CIST1: variants seen among roughly 807,000 people sequenced by gnomAD.
The protein encoded by CIST1 is colon, intestine and stomach enriched 1.
the CIST1 span, among the ~76,000 whole-genome samples, chr19:18,254,768 G>A: frequency 6.6e-6 from 1 of 152,170 alleles, no homozygotes; most frequent in Non-Finnish European, 1.5e-5. Flanking sequence ...CCTAGGCACT[G>A]TCTTATAGGA....
the CIST1 span, among the ~76,000 whole-genome samples, chr19:18,251,341 G>C: frequency 6.6e-6 from 1 of 151,210 alleles, no homozygotes; most frequent in Non-Finnish European, 1.5e-5. Context: ...GGCCAGGCTG[G>C]TCTTGAACTC....
At chr19:18,254,799 A>G in the CIST1 span, among the ~76,000 whole-genome samples, 1 of 152,212 alleles carries the variant, frequency 6.6e-6, no homozygotes, top group South Asian at 2.1e-4. Flanking sequence ...GAATTAAGTC[A>G]GACACCCAGA....
the CIST1 span, among the ~76,000 whole-genome samples, chr19:18,253,366 T>C: frequency 1.3e-5 from 2 of 151,814 alleles, no homozygotes; most frequent in Non-Finnish European, 1.5e-5. Flanking sequence ...CTGGGAGACA[T>C]AATGAGACCT....
chr19:18,252,088 G>A, the CIST1 span: 1 of 398,926 alleles, frequency 2.5e-6, no homozygotes, highest in African/African-American at 2.1e-5. Flanking sequence ...TCCAAGGTCT[G>A]GTCAGTGGAG....
the CIST1 span, among the ~76,000 whole-genome samples, chr19:18,253,385 C>CA: frequency 1.3e-5 from 2 of 151,674 alleles, no homozygotes; most frequent in Admixed American, 6.6e-5. Context: ...CTTGTCTCTA[C>CA]AAAAAAATAA....
the CIST1 span, among the ~76,000 whole-genome samples, chr19:18,251,337 G>T: frequency 6.6e-6 from 1 of 151,270 alleles, no homozygotes; most frequent in Non-Finnish European, 1.5e-5. Flanking sequence ...TGTTGGCCAG[G>T]CTGGTCTTGA....
the CIST1 span, among the ~76,000 whole-genome samples, chr19:18,254,678 G>A: frequency 1.3e-5 from 2 of 152,286 alleles, no homozygotes; most frequent in East Asian, 1.9e-4. Context: ...GTAGGACACC[G>A]GTCAGAGAGA....
At chr19:18,251,380 C>T in the CIST1 span, among the ~76,000 whole-genome samples, 16 of 151,612 alleles carry the variant, frequency 1.1e-4, no homozygotes, top group African/African-American at 3.6e-4. Context: ...CCCACCTTGG[C>T]CTCCCAAAGT....
At chr19:18,250,357 A>T in the CIST1 span, 3 of 399,000 alleles carry the variant, frequency 7.5e-6, no homozygotes, top group Non-Finnish European at 1.3e-5. Flanking sequence ...CATTCCGGTG[A>T]CAGAATCTCA....
At chr19:18,253,146 A>AGT in the CIST1 span, among the ~76,000 whole-genome samples, 1 of 152,140 alleles carries the variant, frequency 6.6e-6, no homozygotes, top group Non-Finnish European at 1.5e-5. Context: ...AGTGCTGGGC[A>AGT]GCTCCTTTAA....
chr19:18,250,911 C>G, the CIST1 span, among the ~76,000 whole-genome samples: 1 of 151,502 alleles, frequency 6.6e-6, no homozygotes, highest in Admixed American at 6.6e-5. Flanking sequence ...GTAGCTGAGA[C>G]TACAAGTGTG....
chr19:18,253,357 T>A, the CIST1 span, among the ~76,000 whole-genome samples: 1 of 152,080 alleles, frequency 6.6e-6, no homozygotes, highest in Non-Finnish European at 1.5e-5. Context: ...CACTCCTGCC[T>A]GGGAGACATA....
chr19:18,251,560 G>A, the CIST1 span, among the ~76,000 whole-genome samples: 1 of 150,532 alleles, frequency 6.6e-6, no homozygotes, highest in African/African-American at 2.4e-5. Context: ...TCAGCCTCCC[G>A]AGTTGCTGAG....
At chr19:18,254,640 C>T in the CIST1 span, among the ~76,000 whole-genome samples, 1 of 152,168 alleles carries the variant, frequency 6.6e-6, no homozygotes, top group Admixed American at 6.6e-5. Flanking sequence ...CCATGGTGGC[C>T]TCTGCTCTGC....
At chr19:18,255,247 C>A in the CIST1 span, 1 of 399,114 alleles carries the variant, frequency 2.5e-6, no homozygotes, top group East Asian at 3.6e-5. The surrounding 1 kb of genome is among the most constrained non-coding windows in gnomAD (Gnocchi z 4.6). Flanking sequence ...TAATTCACAC[C>A]AGCTTTCAGC....
the CIST1 span, among the ~76,000 whole-genome samples, chr19:18,252,753 G>T: frequency 5.3e-5 from 8 of 152,070 alleles, no homozygotes; most frequent in Non-Finnish European, 7.4e-5. Flanking sequence ...AAGTAGCTGG[G>T]ATTACAGGCG....
At chr19:18,255,183 C>T in the CIST1 span, 2 of 398,174 alleles carry the variant, frequency 5.0e-6, no homozygotes, top group East Asian at 3.6e-5. The surrounding 1 kb of genome is among the most constrained non-coding windows in gnomAD (Gnocchi z 4.6). Context: ...CCCACCCTTC[C>T]GCTTTCTGGA....
chr19:18,255,115 G>A, the CIST1 span: 2 of 394,938 alleles, frequency 5.1e-6, no homozygotes, highest in Admixed American at 8.9e-5. This position sits in a 1 kb window ranked among gnomAD's most constrained non-coding sequence, Gnocchi z 4.6. Flanking sequence ...GCGGACCAGC[G>A]TGGCCTGAGG....
chr19:18,254,302 G>C, the CIST1 span, among the ~76,000 whole-genome samples: 10 of 152,338 alleles, frequency 6.6e-5, no homozygotes, highest in South Asian at 2.1e-3. Context: ...GGGGAGCTGA[G>C]TGCTTAGTGA....
Sources: gnomAD v4.1 joint callset for allele counts (sites outside exome capture counted in the v4.1 genomes callset) on GRCh38, gnomAD v4.1.1 for gene constraint, Gnocchi (gnomAD v3.1) non-coding constraint, MANE v1.5 for transcripts, NCBI Gene and HGNC (gene_info 2026-07-23, HGNC 2026-07-21) for gene names.